ASIC2: variants seen among roughly 807,000 people sequenced by gnomAD.
ASIC2 encodes acid sensing ion channel subunit 2, also known as acid-sensing ion channel 2.
ASIC2 carries 25 observed loss-of-function variants against 57.3 expected under a neutral mutation model. That is an observed-to-expected ratio of 0.44 (90% CI 0.32 to 0.61). The LOEUF (loss-of-function observed/expected upper bound fraction) is 0.61, where lower values mean the gene tolerates loss of function less well. ASIC2 is among the 20% of genes least tolerant of loss of function. The pLI is 0.06. For synonymous variants in ASIC2, 319 were observed against 307.5 expected (o/e 1.04, Z -0.39); for missense variants, 641 against 738.1 (o/e 0.87, Z 1.52).
intron 1 of ASIC2, among the ~76,000 whole-genome samples, chr17:33,509,589 C>T (rs933398077): frequency 6.6e-6 from 1 of 152,186 alleles, no homozygotes; most frequent in Non-Finnish European, 1.5e-5. Flanking sequence ...GGGCTGCGTG[C>T]CTGCTGCAGT....
chr17:33,773,103 A>C (rs1241801793), intron 1 of ASIC2, among the ~76,000 whole-genome samples: 1 of 152,202 alleles, frequency 6.6e-6, no homozygotes, highest in African/African-American at 2.4e-5. Flanking sequence ...CTCCTGACAC[A>C]TTATACCAGA....
intron 1 of ASIC2, among the ~76,000 whole-genome samples, chr17:33,604,399 C>T (rs1289372995): frequency 5.3e-5 from 8 of 152,134 alleles, no homozygotes; most frequent in Admixed American, 1.3e-4. Context: ...TCCTTGGGTG[C>T]CCTGTAAGCT....
At chr17:33,896,507 CA>C (rs10708243) in intron 1 of ASIC2, among the ~76,000 whole-genome samples, 24,011 of 152,206 alleles carry the variant, frequency 0.16, 1,937 homozygotes, top group African/African-American at 0.21. Flanking sequence ...GTGCAATGGA[CA>C]AAGAAATGCT....
At chr17:33,272,886 A>G (rs1202634902) in intron 1 of ASIC2, among the ~76,000 whole-genome samples, 1 of 152,210 alleles carries the variant, frequency 6.6e-6, no homozygotes, top group South Asian at 2.1e-4. Context: ...GAGGAGAGAC[A>G]CTTGCCTGAG....
Position 34,009,222 on chromosome 17 carries a change from T to C in ASIC2, c.555+146756A>G, listed in dbSNP as rs1239795076. 2.0e-5 allele frequency among the ~76,000 whole-genome samples: 3 copies of C among 152,148 alleles called. No individual in the cohort carries two copies. In the East Asian group the frequency reaches 5.8e-4, roughly 29 times the overall value. On this transcript the variant is annotated intron_variant, in intron 1 of 9. Coordinates refer to the ASIC2 transcript ENST00000359872. ...GAGACTATCGCCCTCACTCCGCAGA[T>C]GGAGAAACTGAGATCCAGAGCCCTC... is the stretch of plus-strand genomic sequence containing the variant.
intron 1 of ASIC2, among the ~76,000 whole-genome samples, chr17:33,821,661 G>T (rs117571554): frequency 0.036 from 5,522 of 152,314 alleles, 131 homozygotes; most frequent in Non-Finnish European, 0.053. Context: ...AATGTGGGAA[G>T]AGAATAATAT....
intron 1 of ASIC2, among the ~76,000 whole-genome samples, chr17:33,175,064 C>T (rs958962140): frequency 2.6e-5 from 4 of 152,030 alleles, no homozygotes; most frequent in Admixed American, 6.6e-5. Context: ...AAGTTCTTTC[C>T]GACGAATAAA....
intron 1 of ASIC2, among the ~76,000 whole-genome samples, chr17:33,540,976 T>C (rs1915390003): frequency 6.6e-6 from 1 of 152,232 alleles, no homozygotes; most frequent in Non-Finnish European, 1.5e-5. Flanking sequence ...TATTTTCATC[T>C]TCTTAAAAAG....
At chr17:33,030,247 C>A (rs1278322931) in intron 3 of ASIC2, among the ~76,000 whole-genome samples, 1 of 152,126 alleles carries the variant, frequency 6.6e-6, no homozygotes, top group Non-Finnish European at 1.5e-5. Flanking sequence ...TTCCATGAAT[C>A]CCCAGAATTT....
intron 1 of ASIC2, 179 bp downstream of exon 1, chr17:33,291,229 A>C (rs1271178535): frequency 1.5e-6 from 2 of 1,348,944 alleles, no homozygotes; most frequent in Admixed American, 6.3e-5. Context: ...GTTAAGTCCA[A>C]GTTCCCACAA....
intron 1 of ASIC2, among the ~76,000 whole-genome samples, chr17:33,440,452 A>G (rs779729103): frequency 6.6e-6 from 1 of 152,226 alleles, no homozygotes; most frequent in Non-Finnish European, 1.5e-5. Flanking sequence ...CTTTGTAGAC[A>G]TATGTTTTCA....
At chr17:33,722,367 G>A (rs1203523912) in intron 1 of ASIC2, among the ~76,000 whole-genome samples, 1 of 152,182 alleles carries the variant, frequency 6.6e-6, no homozygotes, top group Non-Finnish European at 1.5e-5. Flanking sequence ...CCAGTCTCAG[G>A]TATGTCCTTA....
chr17:33,626,214 T>C (rs893947838), intron 1 of ASIC2, among the ~76,000 whole-genome samples: 1 of 152,198 alleles, frequency 6.6e-6, no homozygotes, highest in Admixed American at 6.5e-5. Context: ...TTCTTAAGAA[T>C]GGCTGGTAAT....
chr17:33,702,890 G>A (rs936173564), intron 1 of ASIC2, among the ~76,000 whole-genome samples: 2 of 152,156 alleles, frequency 1.3e-5, no homozygotes, highest in Non-Finnish European at 2.9e-5. Flanking sequence ...GGAACTAGGG[G>A]CATTAGGTTC....
chr17:33,089,020 G>A, intron 2 of ASIC2, 30 bp from the exon 3 acceptor site: 2 of 1,612,914 alleles, frequency 1.2e-6, no homozygotes, highest in South Asian at 2.2e-5. Context: ...CAGAGCCACG[G>A]GTCAGTAACA....
At chr17:33,649,504 A>AT (rs1235540427) in intron 1 of ASIC2, among the ~76,000 whole-genome samples, 2 of 152,294 alleles carry the variant, frequency 1.3e-5, no homozygotes, top group African/African-American at 4.8e-5. Flanking sequence ...AAATCCTAGT[A>AT]TTTTTTTAGG....
chr17:33,714,099 G>A (rs1194919035), intron 1 of ASIC2, among the ~76,000 whole-genome samples: 1 of 152,040 alleles, frequency 6.6e-6, no homozygotes, highest in Admixed American at 6.5e-5. Context: ...GGTGCATGTT[G>A]TTTGAATATA....
At chr17:33,310,906 T>C (rs931142767) in intron 1 of ASIC2, among the ~76,000 whole-genome samples, 2 of 152,182 alleles carry the variant, frequency 1.3e-5, no homozygotes, top group African/African-American at 4.8e-5. Flanking sequence ...ATAGTTGCAT[T>C]TTTATCTCAG....
intron 2 of ASIC2, among the ~76,000 whole-genome samples, chr17:33,097,253 A>G (rs1290119155): frequency 6.6e-6 from 1 of 152,232 alleles, no homozygotes; most frequent in Non-Finnish European, 1.5e-5. Context: ...GCGAAAGACA[A>G]TCTTGGCACA....
Sources: allele counts gnomAD v4.1 joint callset (sites outside exome capture counted in the v4.1 genomes callset), GRCh38; gene constraint gnomAD v4.1.1; transcripts MANE v1.5; gene names NCBI Gene and HGNC (gene_info 2026-07-23, HGNC 2026-07-21).